RABGAP1: variants seen among roughly 807,000 people sequenced by gnomAD.
RABGAP1 encodes RAB GTPase activating protein 1.
Under a neutral mutation model 137.6 loss-of-function variants are expected in RABGAP1, and 23 were observed. The observed-to-expected ratio is 0.17, with a 90% CI of 0.12 to 0.24. The LOEUF is 0.24. Ranked by LOEUF, RABGAP1 falls within the 10% of genes least tolerant of loss-of-function variation. The pLI is 1.00. For synonymous variants in RABGAP1, 451 were observed against 450.7 expected (o/e 1.00, Z -0.01); for missense variants, 906 against 1,275.8 (o/e 0.71, Z 4.42).
intron 13 of RABGAP1, among the ~76,000 whole-genome samples, chr9:123,047,315 T>G (rs1207374018): frequency 6.6e-6 from 1 of 152,184 alleles, no homozygotes; most frequent in Admixed American, 6.5e-5. Context: ...ATAATTGTAC[T>G]GCTAGTGAGT....
chr9:122,977,240 A>G (rs1383490146), intron 2 of RABGAP1, among the ~76,000 whole-genome samples: 1 of 152,210 alleles, frequency 6.6e-6, no homozygotes, highest in Non-Finnish European at 1.5e-5. Context: ...GCTTACGTAA[A>G]ATGAAAGAGG....
Position 122,957,172 on chromosome 9 carries a change from C to G in RABGAP1, c.113C>G (p.Thr38Arg). 6.4e-7 allele frequency: 1 copy of G among 1,569,138 alleles called. No homozygotes were observed. The highest frequency in any genetic ancestry group is 1.3e-5 in the African/African-American group (1 of 74,656). ...AGGCAAGGAGATGAGACACCATCTA[C>G]AAATAATGGAAGTGATGATGAGAAA... ...VSRQGDETPSTNNGSDDEKTG... is the reference protein window; with the variant it reads ...VSRQGDETPSRNNGSDDEKTG... The change falls in exon 2 of 26, where the codon ACA (threonine) becomes AGA (arginine). Residue 38 changes from threonine to arginine, a missense_variant. Transcript: ENST00000373647.
chr9:122,992,308 G>A (rs143006203), intron 6 of RABGAP1, among the ~76,000 whole-genome samples: 4 of 152,088 alleles, frequency 2.6e-5, no homozygotes, highest in African/African-American at 9.6e-5. Context: ...CAGAGTGCTG[G>A]GATTATAGGC....
intron 21 of RABGAP1, among the ~76,000 whole-genome samples, chr9:123,091,835 T>G (rs2035040342): frequency 6.6e-6 from 1 of 152,156 alleles, no homozygotes; most frequent in South Asian, 2.1e-4. Context: ...GGGTTGAGTT[T>G]CCTCCTTACG....
Position 122,986,354 on chromosome 9 carries a change from A to G in RABGAP1, c.525A>G (p.Arg175=). The G allele has an allele frequency of 1.2e-6, 2 of 1,614,190 alleles. No homozygotes were observed. The highest frequency in any genetic ancestry group is 1.7e-6 in the Non-Finnish European group (2 of 1,180,010). Residue 175 remains arginine, a synonymous_variant, in exon 4 of 26, where the codon AGA becomes AGG. Coordinates refer to ENST00000373647, the MANE Select transcript of RABGAP1 (RefSeq NM_012197.4). The part of the protein sequence containing the change: ...VEALRMMSIL[R]SQCQISLDVT... ...CCTTAAGGATGATGTCCATCTTAAG[A>G]AGCCAGTGTCAGATTTCACTAGATG...
chr9:122,998,256 T>TA (rs1013200490), intron 9 of RABGAP1, among the ~76,000 whole-genome samples: 1 of 152,064 alleles, frequency 6.6e-6, no homozygotes, highest in African/African-American at 2.4e-5. Flanking sequence ...TGTGCCAACA[T>TA]ACCTGGCTAA....
chr9:122,965,363 G>A (rs1835084080), intron 2 of RABGAP1, among the ~76,000 whole-genome samples: 1 of 152,088 alleles, frequency 6.6e-6, no homozygotes, highest in Non-Finnish European at 1.5e-5. Context: ...AGGGTATATT[G>A]TGCTGCTTTT....
At chr9:122,961,915 T>C (rs894449766) in intron 2 of RABGAP1, among the ~76,000 whole-genome samples, 16 of 152,098 alleles carry the variant, frequency 1.1e-4, no homozygotes, top group African/African-American at 2.9e-4. Flanking sequence ...GTAACTCAAA[T>C]TCATAAGAAT....
chr9:123,038,048 T>C (rs1040944026), intron 13 of RABGAP1, among the ~76,000 whole-genome samples: 1 of 152,202 alleles, frequency 6.6e-6, no homozygotes, highest in African/African-American at 2.4e-5. Flanking sequence ...TAAAGTAGGA[T>C]TATACTGATG....
chr9:123,041,823 A>G (rs2032966670), intron 13 of RABGAP1, among the ~76,000 whole-genome samples: 1 of 152,216 alleles, frequency 6.6e-6, no homozygotes, highest in African/African-American at 2.4e-5. Context: ...ATGTCCCTAT[A>G]AGCATAGAGA....
At chr9:122,953,913 G>C (rs1242036813) in intron 1 of RABGAP1, among the ~76,000 whole-genome samples, 1 of 152,172 alleles carries the variant, frequency 6.6e-6, no homozygotes, top group African/African-American at 2.4e-5. Flanking sequence ...ACAGGTGCTA[G>C]GGGTCCAACA....
At position 122,945,155 on chromosome 9, in the gene RABGAP1, T is replaced by TTTTTTTTTTTTTTTTTTTTTTTTTTTTTC. The variant is rs10675246; in HGVS notation, c.-50+4070_-50+4071insTTTTTTTTTTTTTTTTTTTTCTTTTTTTT. Reference sequence around the variant, plus strand: ...ATACATCATAGCTGTTGCTTTTTTTTTTTTTTTTAGCATAAACTGGTTACC... The same window carrying TTTTTTTTTTTTTTTTTTTTTTTTTTTTTC: ...ATACATCATAGCTGTTGCTTTTTTTTTTTTTTTTTTTTTTTTTTTTTTTTTTTTCTTTTTTTTAGCATAAACTGGTTACC... On this transcript the variant is annotated intron_variant, in intron 1 of 25. Transcript: ENST00000373647. Among the ~76,000 whole-genome samples, 2 of 142,668 alleles carry TTTTTTTTTTTTTTTTTTTTTTTTTTTTTC rather than the reference T, an allele frequency of 1.4e-5. 1 individual carries two copies. Among genetic ancestry groups the TTTTTTTTTTTTTTTTTTTTTTTTTTTTTC allele is most frequent in the Non-Finnish European group, 3.1e-5 (2 of 64,494 alleles). 93.6% of individuals were successfully genotyped at this position (142,668 alleles called of 152,430 possible). A position where few individuals can be genotyped will look rare whatever the true frequency, so the allele number is the denominator to read the frequency against.
chr9:122,944,167 A>G (rs1282350232), intron 1 of RABGAP1, among the ~76,000 whole-genome samples: 3 of 152,056 alleles, frequency 2.0e-5, no homozygotes, highest in Non-Finnish European at 4.4e-5. Context: ...TATCTTTGTA[A>G]TTTCAATATA....
At chr9:123,103,013 T>C in intron 25 of RABGAP1, 78 bp from the exon 26 acceptor site, 1 of 1,536,436 alleles carries the variant, frequency 6.5e-7, no homozygotes. Flanking sequence ...GACTGCATTC[T>C]TGTCTTGGTT....
chr9:123,015,503 C>A (rs937203789), intron 11 of RABGAP1, 40 bp from the exon 12 acceptor site: 7 of 1,306,594 alleles, frequency 5.4e-6, no homozygotes, highest in Non-Finnish European at 7.7e-6. Flanking sequence ...GCTAGCATAG[C>A]CATCTCTGTT....
At chr9:123,029,379 A>G in intron 13 of RABGAP1, 1 of 1,184,560 alleles carries the variant, frequency 8.4e-7, no homozygotes, top group Non-Finnish European at 1.3e-6. Flanking sequence ...GGACCTGTTC[A>G]TGCATCTTCA....
chr9:122,995,461 C>CT (rs1432962271), intron 6 of RABGAP1, among the ~76,000 whole-genome samples: 1 of 151,706 alleles, frequency 6.6e-6, no homozygotes, highest in Non-Finnish European at 1.5e-5. Flanking sequence ...ATGAAACATG[C>CT]TTTACAGCAA....
chr9:123,064,743 T>C (rs1452141586), intron 13 of RABGAP1, among the ~76,000 whole-genome samples: 1 of 152,260 alleles, frequency 6.6e-6, no homozygotes, highest in East Asian at 1.9e-4. Context: ...TTTAGTTAAC[T>C]CATTATAGAA....
In RABGAP1 at chr9:122,997,957, CCATT is replaced by C. The variant is rs1233023686; in HGVS notation, c.1204+599_1204+602del. On this transcript the variant is annotated intron_variant, in intron 9 of 25. Coordinates refer to ENST00000373647, the MANE Select transcript of RABGAP1 (RefSeq NM_012197.4). The stretch of plus-strand genomic sequence containing the variant: ...TAAATAGTTAAAGGATGTAAACAGA[CCATT>C]CAAATACCATTGTTAACCAAATTTA... 3.3e-5 allele frequency among the ~76,000 whole-genome samples: 5 copies of C among 152,068 alleles called. No individual in the cohort carries two copies. In the East Asian group the frequency reaches 7.7e-4, roughly 23 times the overall value.
Sources: allele counts gnomAD v4.1 joint callset (sites outside exome capture counted in the v4.1 genomes callset), GRCh38; gene constraint gnomAD v4.1.1; transcripts MANE v1.5; gene names NCBI Gene and HGNC (gene_info 2026-07-23, HGNC 2026-07-21).